ASIP: variants seen among roughly 807,000 people sequenced by gnomAD.
The protein encoded by ASIP is agouti signaling protein, also known as agouti-signaling protein.
A neutral mutation model predicts 10.3 loss-of-function variants in ASIP; 11 were observed. The ratio of observed to expected loss-of-function variants is 1.07; its 90% confidence interval spans 0.68 to 1.78. The LOEUF (loss-of-function observed/expected upper bound fraction) is 1.78. Ranked by LOEUF, ASIP falls within the 40% of genes most tolerant of loss-of-function variation. ASIP has a pLI of 0.00. For synonymous variants in ASIP, 70 were observed against 70.8 expected (o/e 0.99, Z 0.06); for missense variants, 180 against 169.2 (o/e 1.06, Z -0.35).
At chr20:34,190,120 G>A (rs545772046), upstream of ASIP, among the ~76,000 whole-genome samples, 40 of 152,286 alleles carry the variant, frequency 2.6e-4, no homozygotes, top group Admixed American at 1.6e-3. Flanking sequence ...GAGTCATTCC[G>A]TGTGATGCTA....
At chr20:34,214,140 T>G in intron 1 of ASIP, 1 of 1,170,554 alleles carries the variant, frequency 8.5e-7, no homozygotes, top group South Asian at 1.2e-5. Flanking sequence ...TGGAGAAAGC[T>G]TTAATAAATC....
intron 2 of ASIP, among the ~76,000 whole-genome samples, chr20:34,261,974 G>A (rs532482933): frequency 6.6e-6 from 1 of 151,170 alleles, no homozygotes; most frequent in East Asian, 2.0e-4. Context: ...TTAGCCAGGT[G>A]TGGTGGTACA....
Position 34,213,403 on chromosome 20 carries a change from T to C in ASIP, c.-11+18643T>C, listed in dbSNP as rs2034987001. The stretch of plus-strand genomic sequence containing the variant: ...AATGCCAGAGAGTGGAGTGTTGCTA[T>C]AACCAACACCTGAAAAATGTGAAAG... On this transcript the variant is annotated intron_variant, in intron 1 of 3. Coordinates refer to the ASIP transcript ENST00000568305. 3 of 716,680 alleles carry C rather than the reference T, an allele frequency of 4.2e-6. No individual in the cohort carries two copies. In the South Asian group the frequency reaches 5.8e-5, roughly 14 times the overall value. The allele number at this position is 716,680 out of a possible 1,614,324, so 44.4% of individuals were successfully genotyped here.
intron 1 of ASIP, chr20:34,235,142 T>A (rs191297484): frequency 2.6e-5 from 4 of 152,396 alleles, no homozygotes; most frequent in Admixed American, 2.0e-4. Context: ...TGACCGAAGC[T>A]GTTAAATAAT....
At chr20:34,245,078 G>A (rs2122614823) in intron 1 of ASIP, among the ~76,000 whole-genome samples, 1 of 152,222 alleles carries the variant, frequency 6.6e-6, no homozygotes. Context: ...GCTCATGCCT[G>A]TAATCCCAGC....
At chr20:34,242,195 T>C (rs1366486273) in intron 1 of ASIP, among the ~76,000 whole-genome samples, 1 of 151,236 alleles carries the variant, frequency 6.6e-6, no homozygotes, top group East Asian at 1.9e-4. Flanking sequence ...TTTAAAATTT[T>C]TATTTTATTT....
At chr20:34,258,756 A>T (rs2035630650) in intron 1 of ASIP, among the ~76,000 whole-genome samples, 1 of 78,964 alleles carries the variant, frequency 1.3e-5, no homozygotes, top group African/African-American at 1.2e-4. Context: ...TATATATAAT[A>T]TATGATATAT....
intron 1 of ASIP, among the ~76,000 whole-genome samples, chr20:34,197,872 A>G (rs1361151786): frequency 6.6e-6 from 1 of 152,060 alleles, no homozygotes; most frequent in East Asian, 1.9e-4. Context: ...TAATCTACAT[A>G]TTGACCGCCT....
the ASIP span, among the ~76,000 whole-genome samples, chr20:34,188,115 G>A: frequency 3.3e-5 from 5 of 152,180 alleles, no homozygotes; most frequent in African/African-American, 9.7e-5. Flanking sequence ...CCCATACCCA[G>A]CATCCCGATA....
chr20:34,238,872 G>A (rs1170767047), upstream of ASIP, among the ~76,000 whole-genome samples: 1 of 151,994 alleles, frequency 6.6e-6, no homozygotes, highest in Non-Finnish European at 1.5e-5. Context: ...CTATCTCTGT[G>A]CCAAGGACAC....
intron 1 of ASIP, among the ~76,000 whole-genome samples, chr20:34,223,325 G>A (rs1308612401): frequency 1.3e-5 from 2 of 149,780 alleles, no homozygotes; most frequent in East Asian, 2.0e-4. Context: ...CCGAGACCCC[G>A]TCTGGGAGGT....
At chr20:34,253,487 T>G (rs367952303) in intron 1 of ASIP, among the ~76,000 whole-genome samples, 1 of 147,562 alleles carries the variant, frequency 6.8e-6, no homozygotes, top group Non-Finnish European at 1.5e-5. Context: ...TTATTTATTT[T>G]TTAGAGACAG....
intron 1 of ASIP, among the ~76,000 whole-genome samples, chr20:34,210,596 A>G (rs2034968200): frequency 6.6e-6 from 1 of 152,188 alleles, no homozygotes; most frequent in African/African-American, 2.4e-5. Context: ...GACCAAGCAC[A>G]ACCTGCCAGG....
chr20:34,195,027 T>C (rs1421411681), intron 1 of ASIP, among the ~76,000 whole-genome samples: 2 of 152,152 alleles, frequency 1.3e-5, no homozygotes, highest in Non-Finnish European at 2.9e-5. Flanking sequence ...TCACAGTTTC[T>C]TGCTTGGGTG....
intron 1 of ASIP, among the ~76,000 whole-genome samples, chr20:34,257,165 C>A (rs574451248): frequency 1.5e-4 from 22 of 151,594 alleles, no homozygotes; most frequent in African/African-American, 5.3e-4. Flanking sequence ...CTCACTGCAA[C>A]TTCCTCCCCC....
At chr20:34,219,339 A>G (rs1004134302) in intron 1 of ASIP, among the ~76,000 whole-genome samples, 7 of 152,200 alleles carry the variant, frequency 4.6e-5, no homozygotes, top group Non-Finnish European at 1.0e-4. Context: ...ATCTTTACAC[A>G]TTCAATCATC....
intron 1 of ASIP, among the ~76,000 whole-genome samples, chr20:34,203,237 A>AT (rs545215369): frequency 7.0e-4 from 107 of 152,176 alleles, no homozygotes; most frequent in Middle Eastern, 3.4e-3. Context: ...ACAATATTAA[A>AT]TTTTTTTATC....
At chr20:34,209,125 G>T (rs1341097578) in intron 1 of ASIP, among the ~76,000 whole-genome samples, 1 of 152,168 alleles carries the variant, frequency 6.6e-6, no homozygotes, top group Admixed American at 6.5e-5. Flanking sequence ...AGTTGCTCTG[G>T]CTAGGACTTG....
At chr20:34,187,555 A>T in the ASIP span, among the ~76,000 whole-genome samples, 1 of 152,156 alleles carries the variant, frequency 6.6e-6, no homozygotes, top group East Asian at 1.9e-4. Flanking sequence ...TCTTAGGAGG[A>T]TCGTGAATTT....
Sources: gnomAD v4.1 joint callset for allele counts (sites outside exome capture counted in the v4.1 genomes callset) on GRCh38, gnomAD v4.1.1 for gene constraint, MANE v1.5 for transcripts, NCBI Gene and HGNC (gene_info 2026-07-23, HGNC 2026-07-21) for gene names.